Variants in SLC9A7 observed in about 807,000 individuals in gnomAD.
SLC9A7 encodes sodium/hydrogen exchanger 7.
In SLC9A7, 19 loss-of-function variants were observed where a neutral mutation model predicts 52.6. The ratio of observed to expected loss-of-function variants is 0.36; its 90% CI spans 0.25 to 0.53. SLC9A7 has a LOEUF of 0.53. Ranked by LOEUF, SLC9A7 falls within the 20% of genes least tolerant of loss-of-function variation. SLC9A7 has a pLI of 0.91. For missense variants in SLC9A7, 455 were observed against 597.9 expected (o/e 0.76, Z 2.49); for synonymous variants, 226 against 252.1 (o/e 0.90, Z 0.98).
At chrX:46,711,005 G>C (rs951151656) in intron 1 of SLC9A7, among the ~76,000 whole-genome samples, 2 of 112,788 alleles carry the variant, frequency 1.8e-5, no homozygotes, top group Non-Finnish European at 3.8e-5. Flanking sequence ...CCTGATTAAC[G>C]TGAGCCTGAC....
chrX:46,663,457 A>G (rs1943861377), intron 5 of SLC9A7, among the ~76,000 whole-genome samples: 2 of 102,080 alleles, frequency 2.0e-5, no homozygotes, highest in Admixed American at 2.2e-4. Flanking sequence ...TGACCAACAC[A>G]GTGAAGCCCC....
intron 1 of SLC9A7, among the ~76,000 whole-genome samples, chrX:46,746,472 G>A (rs1309730832): frequency 8.9e-6 from 1 of 111,850 alleles, no homozygotes; most frequent in South Asian, 3.7e-4. Flanking sequence ...TATTAAAAAT[G>A]AGCAAAAGAT....
At chrX:46,679,164 C>T (rs1278028935) in intron 3 of SLC9A7, among the ~76,000 whole-genome samples, 1 of 112,306 alleles carries the variant, frequency 8.9e-6, no homozygotes, top group Admixed American at 9.4e-5. Flanking sequence ...TTTCACTCGG[C>T]ATAATGCCTT....
rs1943915969 is a variant in SLC9A7 at position 46,666,073 on chromosome X, G to A, written c.794-3430C>T. The stretch of plus-strand genomic sequence containing the variant: ...CAAGGATTCTTATTCCTTCATATCA[G>A]TCAATACCACTCTGTATCCTAACAC... On this transcript the variant is annotated intron_variant, in intron 5 of 16. Transcript: ENST00000616978. 2.7e-5 allele frequency among the ~76,000 whole-genome samples: 3 copies of A among 111,204 alleles called. No individual in the cohort carries two copies. The South Asian group carries it at 1.1e-3, about 42-fold the overall frequency.
chrX:46,703,954 T>C (rs752909714), intron 1 of SLC9A7, among the ~76,000 whole-genome samples: 1 of 112,117 alleles, frequency 8.9e-6, no homozygotes, highest in African/African-American at 3.2e-5. Flanking sequence ...AGGACTTAAC[T>C]GTCACTGTTG....
chrX:46,622,921 G>T (rs892830751), intron 14 of SLC9A7, among the ~76,000 whole-genome samples: 2 of 111,973 alleles, frequency 1.8e-5, no homozygotes, highest in African/African-American at 6.5e-5. Flanking sequence ...ATCCCGAAAT[G>T]TAAGAACTAA....
chrX:46,705,918 G>A (rs1226505167), intron 1 of SLC9A7, among the ~76,000 whole-genome samples: 1 of 110,474 alleles, frequency 9.1e-6, no homozygotes, highest in African/African-American at 3.3e-5. Flanking sequence ...TATAGTTCAG[G>A]TTCACACAAA....
chrX:46,609,935 C>T (rs1159496979), intron 16 of SLC9A7, among the ~76,000 whole-genome samples: 9 of 110,022 alleles, frequency 8.2e-5, no homozygotes, highest in Non-Finnish European at 1.7e-4. Flanking sequence ...GGCTGAGGCA[C>T]GAGAATCGCT....
chrX:46,614,682 G>A (rs1052737766), intron 15 of SLC9A7, among the ~76,000 whole-genome samples: 4 of 111,946 alleles, frequency 3.6e-5, no homozygotes, highest in East Asian at 2.8e-4. Context: ...GAATATCAGC[G>A]CTACCAAACG....
chrX:46,646,585 C>T (rs1330550371), intron 11 of SLC9A7: 4 of 221,969 alleles, frequency 1.8e-5, no homozygotes, highest in South Asian at 6.6e-5. Context: ...GTAGTCTGTC[C>T]GCTGGCCTTT....
At chrX:46,733,049 AAAGAAACACTGAAATGACAAACAACT>A (rs1367041095) in intron 1 of SLC9A7, among the ~76,000 whole-genome samples, 1 of 112,400 alleles carries the variant, frequency 8.9e-6, no homozygotes, top group Non-Finnish European at 1.9e-5. Context: ...TTATTTATGT[AAAGAAACACTGAAATGACAAACAACT>A]AAGAAAAGTG....
chrX:46,744,039 T>C (rs987525188), intron 1 of SLC9A7, among the ~76,000 whole-genome samples: 10 of 112,634 alleles, frequency 8.9e-5, no homozygotes, highest in African/African-American at 3.2e-4. Flanking sequence ...GGCAGCTCTA[T>C]GCTATCAGAG....
chrX:46,627,912 A>C (rs777306748), intron 14 of SLC9A7, among the ~76,000 whole-genome samples: 17 of 111,656 alleles, frequency 1.5e-4, no homozygotes, highest in Admixed American at 6.6e-4. Context: ...ACAAAAAAAA[A>C]CACGGAGGAC....
In SLC9A7 at chrX:46,727,217, A is replaced by G. The variant is rs750442812; in HGVS notation, c.325+31488T>C. ...CCTACAACTGATCCCCGCATACCCT[A>G]AACTCAGCCACACAGCCTGCTTCAC... On this transcript the variant is annotated intron_variant, in intron 1 of 16. Coordinates refer to ENST00000616978, the MANE Select transcript of SLC9A7 (RefSeq NM_001257291.2). 7.1e-5 allele frequency among the ~76,000 whole-genome samples: 8 copies of G among 112,004 alleles called. No homozygotes were observed. In the South Asian group the frequency reaches 3.0e-3, roughly 42 times the overall value.
chrX:46,723,720 T>G (rs983324303), intron 1 of SLC9A7, among the ~76,000 whole-genome samples: 5 of 112,178 alleles, frequency 4.5e-5, no homozygotes, highest in Admixed American at 1.9e-4. Context: ...AAGGAATCCA[T>G]GCTTCCTGGA....
In SLC9A7 at chrX:46,747,228, C is replaced by A. The variant is rs186685787; in HGVS notation, c.325+11477G>T. Among the ~76,000 whole-genome samples, 3 of 111,824 alleles carry A rather than the reference C, an allele frequency of 2.7e-5. No individual in the cohort carries two copies. In the East Asian group the frequency reaches 8.4e-4, roughly 31 times the overall value. The stretch of plus-strand genomic sequence containing the variant: ...AAACAAAGCCTAGTGTTTGGTAGAT[C>A]AGTAGGGTGACCACAGTTTACAATA... On this transcript the variant is annotated intron_variant, in intron 1 of 16. Coordinates refer to ENST00000616978, the MANE Select transcript of SLC9A7 (RefSeq NM_001257291.2).
chrX:46,633,179 C>G (rs1943249310), intron 13 of SLC9A7, among the ~76,000 whole-genome samples: 1 of 106,800 alleles, frequency 9.4e-6, no homozygotes, highest in Non-Finnish European at 1.9e-5. Flanking sequence ...AAACTCCTGA[C>G]AGCAGAGAGT....
chrX:46,662,146 G>A lies in SLC9A7; in HGVS notation c.911C>T (p.Ala304Val). ...VAIVLSSSIV[A>V]YQPAGLNTHA... ...AGTGTTCAGTCCCGCTGGCTGGTAG[G>A]CAACAATAGACCTAAAGTTTAAAAA... The change falls in exon 7 of 17, where the codon GCC becomes GTC. Residue 304 changes from alanine (A) to valine (V), a missense_variant. This residue lies in a region of SLC9A7 where 304 missense variants were observed against 417.8 expected (regional missense o/e 0.73). Coordinates refer to ENST00000616978, the MANE Select transcript of SLC9A7 (RefSeq NM_001257291.2). 1 of 1,206,806 alleles carries A rather than the reference G, an allele frequency of 8.3e-7. No homozygotes were observed. Among genetic ancestry groups the A allele is most frequent in the East Asian group, 3.0e-5 (1 of 33,726 alleles).
rs767273637 is a variant in SLC9A7 at position 46,718,566 on chromosome X, T to C, written c.326-36031A>G. 4.5e-5 allele frequency among the ~76,000 whole-genome samples: 5 copies of C among 112,036 alleles called. No homozygotes were observed. The South Asian group carries it at 1.8e-3, about 41-fold the overall frequency. ...CTACCTATCTGACAAAGGGCTAATATCCAGAATCTACAAAGAACTTAACAA... is the reference window on the plus strand; with the variant it reads ...CTACCTATCTGACAAAGGGCTAATACCCAGAATCTACAAAGAACTTAACAA... On this transcript the variant is annotated intron_variant, in intron 1 of 16. Transcript: ENST00000616978.
Sources: gnomAD v4.1 joint callset for allele counts (sites outside exome capture counted in the v4.1 genomes callset) on GRCh38, gnomAD v4.1.1 for gene constraint, gnomAD v4.1.1 regional missense constraint, MANE v1.5 for transcripts, NCBI Gene and HGNC (gene_info 2026-07-23, HGNC 2026-07-21) for gene names.